Variants in TMEM38B observed in about 807,000 individuals in gnomAD.
TMEM38B encodes transmembrane protein 38B.
Under a neutral mutation model 28.7 loss-of-function variants are expected in TMEM38B, and 24 were observed. The observed-to-expected ratio is 0.84, with a 90% CI of 0.61 to 1.18. The LOEUF (loss-of-function observed/expected upper bound fraction) is 1.18. Among genes scored for constraint, TMEM38B ranks in the 50% most tolerant of loss-of-function variants. The pLI, the probability that TMEM38B is intolerant of heterozygous loss-of-function variation, is 0.00. For missense variants in TMEM38B, 380 were observed against 350.9 expected (o/e 1.08, Z -0.66); for synonymous variants, 131 against 127.7 (o/e 1.03, Z -0.17).
intron 2 of TMEM38B, among the ~76,000 whole-genome samples, chr9:105,710,022 C>T (rs376211648): frequency 1.3e-5 from 2 of 152,168 alleles, no homozygotes; most frequent in Admixed American, 6.5e-5. Flanking sequence ...GATTAGTTTC[C>T]GCAAGTACAA....
intron 2 of TMEM38B, among the ~76,000 whole-genome samples, chr9:105,720,338 CTTTAT>C (rs36210537): frequency 0.2 from 30,590 of 151,628 alleles, 4,609 homozygotes; most frequent in East Asian, 0.46. Context: ...GCATTATAGC[CTTTAT>C]TTTATATTAT....
At chr9:105,760,008 C>T in intron 5 of TMEM38B, 1 of 1,454,724 alleles carries the variant, frequency 6.9e-7, no homozygotes, top group East Asian at 2.3e-5. Context: ...ATAAAAGACT[C>T]TGCAAAAGTT....
Position 105,694,569 on chromosome 9 carries a change from C to G in TMEM38B, c.-92C>G. On this transcript the variant is annotated 5_prime_UTR_variant, in exon 1 of 6. Coordinates refer to ENST00000374692, the MANE Select transcript of TMEM38B (RefSeq NM_018112.3). ...GCTGGAGCCGGCGCGGAGGAGCGGG[C>G]GGCCGCGGCTGTGCCCTCTCCTACT... is the stretch of plus-strand genomic sequence containing the variant. 1 of 894,730 alleles carries G rather than the reference C, an allele frequency of 1.1e-6. No homozygotes were observed. The highest frequency in any genetic ancestry group is 1.7e-6 in the Non-Finnish European group (1 of 598,694). 55.4% of individuals were successfully genotyped at this position (894,730 alleles called of 1,614,324 possible). A position where few individuals can be genotyped will look rare whatever the true frequency, so the allele number is the denominator to read the frequency against.
Position 105,759,758 on chromosome 9 carries a change from C to G in TMEM38B, c.660+11568C>G, listed in dbSNP as rs1258198972. 1.9e-6 allele frequency: 3 copies of G among 1,607,874 alleles called. No individual in the cohort carries two copies. In the Admixed American group the frequency reaches 5.1e-5, roughly 27 times the overall value. On this transcript the variant is annotated intron_variant, in intron 5 of 5. Coordinates refer to ENST00000374692, the MANE Select transcript of TMEM38B (RefSeq NM_018112.3). ...GAAAATATTCAAAAGCCATTCCGTG[C>G]TGGTTTTAAGAGAACCACTACTTTG...
intron 1 of TMEM38B, among the ~76,000 whole-genome samples, chr9:105,696,548 A>C (rs940611574): frequency 3.3e-5 from 5 of 152,266 alleles, no homozygotes; most frequent in Non-Finnish European, 7.3e-5. Context: ...TACTTTTTAA[A>C]AAATGAAAAC....
chr9:105,738,640 A>T (rs1837071093), intron 4 of TMEM38B, among the ~76,000 whole-genome samples: 1 of 151,582 alleles, frequency 6.6e-6, no homozygotes. Flanking sequence ...ATCTAAGGTC[A>T]TGAAGATTTT....
intron 2 of TMEM38B, among the ~76,000 whole-genome samples, chr9:105,720,279 A>G (rs1413283637): frequency 6.6e-6 from 1 of 152,084 alleles, no homozygotes; most frequent in African/African-American, 2.4e-5. Flanking sequence ...TTAGAGGGTA[A>G]CAAGATGAAT....
At chr9:105,740,266 T>TG (rs1393332106) in intron 4 of TMEM38B, among the ~76,000 whole-genome samples, 7 of 150,724 alleles carry the variant, frequency 4.6e-5, no homozygotes, top group African/African-American at 1.5e-4. Context: ...AGGTGTTTTT[T>TG]TTTTTTTTTT....
chr9:105,700,943 C>T (rs1317439182), intron 1 of TMEM38B: 3 of 151,942 alleles, frequency 2.0e-5, no homozygotes, highest in Non-Finnish European at 4.4e-5. Context: ...AGCCAGAGGC[C>T]ATGTGCACGG....
At chr9:105,770,773 A>G (rs1354359561) in intron 5 of TMEM38B, among the ~76,000 whole-genome samples, 1 of 152,158 alleles carries the variant, frequency 6.6e-6, no homozygotes. Context: ...TACACTGAAA[A>G]GGATTATTTG....
chr9:105,707,737 A>G (rs991838966), intron 2 of TMEM38B, among the ~76,000 whole-genome samples: 2 of 152,200 alleles, frequency 1.3e-5, no homozygotes, highest in African/African-American at 2.4e-5. Context: ...ATGCTGCTAT[A>G]ACTTTCTTGT....
In TMEM38B at chr9:105,773,954, G is replaced by A. The variant is rs199855840; in HGVS notation, c.750G>A (p.Pro250=). 546 of 1,613,716 alleles carry A rather than the reference G, an allele frequency of 3.4e-4. No homozygotes were observed. Among genetic ancestry groups the A allele is most frequent in the East Asian group, 2.3e-3 (105 of 44,880 alleles). Reference sequence around the variant, plus strand: ...GGATGCTATTTGGCTGGCAGCAGCCGTTTTCATCATGTGAGAAGAAAAGTG... The same window carrying A: ...GGATGCTATTTGGCTGGCAGCAGCCATTTTCATCATGTGAGAAGAAAAGTG... ...LSWMLFGWQQ[P]FSSCEKKSEA... Residue 250 remains proline (P), a synonymous_variant, in exon 6 of 6, where the codon CCG becomes CCA. Transcript: ENST00000374692.
intron 4 of TMEM38B, among the ~76,000 whole-genome samples, chr9:105,732,983 C>G (rs1175685451): frequency 1.3e-5 from 2 of 151,948 alleles, no homozygotes; most frequent in Non-Finnish European, 2.9e-5. Flanking sequence ...GCCTTCATTT[C>G]GTTATTTACC....
intron 4 of TMEM38B, among the ~76,000 whole-genome samples, chr9:105,745,972 T>G (rs1837376222): frequency 6.6e-6 from 1 of 152,194 alleles, no homozygotes; most frequent in Admixed American, 6.5e-5. Flanking sequence ...CATGCTGTTT[T>G]GGTTACTGTA....
intron 5 of TMEM38B, chr9:105,758,759 T>C (rs1837926177): frequency 1.3e-6 from 1 of 753,436 alleles, no homozygotes; most frequent in South Asian, 1.5e-5. Context: ...ACTTATCTCA[T>C]AGAACTCCTA....
At chr9:105,730,430 G>T (rs7308332) in intron 4 of TMEM38B, among the ~76,000 whole-genome samples, 2 of 151,990 alleles carry the variant, frequency 1.3e-5, no homozygotes. Context: ...CAACTTGATC[G>T]TGGTGGATAA....
At chr9:105,760,013 A>G (rs768796793) in intron 5 of TMEM38B, 229 of 1,439,018 alleles carry the variant, frequency 1.6e-4, no homozygotes, top group Non-Finnish European at 2.1e-4. Context: ...AGACTCTGCA[A>G]AAGTTCAATA....
At chr9:105,735,963 G>T (rs1836957379) in intron 4 of TMEM38B, among the ~76,000 whole-genome samples, 1 of 152,060 alleles carries the variant, frequency 6.6e-6, no homozygotes, top group African/African-American at 2.4e-5. Context: ...AACTCTTGGG[G>T]TCAAGTGATC....
intron 5 of TMEM38B, among the ~76,000 whole-genome samples, chr9:105,766,749 TTA>T (rs1342834154): frequency 1.3e-5 from 2 of 152,114 alleles, no homozygotes; most frequent in Non-Finnish European, 2.9e-5. Context: ...CTGTTTTTTT[TTA>T]TTATTATACT....
Sources: allele counts gnomAD v4.1 joint callset (sites outside exome capture counted in the v4.1 genomes callset), GRCh38; gene constraint gnomAD v4.1.1; transcripts MANE v1.5; gene names NCBI Gene and HGNC (gene_info 2026-07-23, HGNC 2026-07-21).